Variants in ADAM28 observed in about 807,000 individuals in gnomAD.
ADAM28 encodes disintegrin and metalloproteinase domain-containing protein 28.
A neutral mutation model predicts 101.2 loss-of-function variants in ADAM28; 105 were observed. The ratio of observed to expected loss-of-function variants is 1.04; its 90% CI spans 0.89 to 1.22. The LOEUF (loss-of-function observed/expected upper bound fraction) is 1.22, where lower values mean the gene tolerates loss of function less well. ADAM28 is among the 50% of genes most tolerant of loss of function. The pLI is 0.00. For missense variants in ADAM28, 1,028 were observed against 945.4 expected (o/e 1.09, Z -1.15); for synonymous variants, 322 against 310.6 (o/e 1.04, Z -0.39).
rs1416922061 is a variant in ADAM28, at chr8:24,335,342, A to G, written c.1372-104A>G. On this transcript the variant is annotated intron_variant, in intron 13 of 22. Transcript: ENST00000265769. Reference sequence around the variant, plus strand: ...CTTCAGTGAAATGACACCTCCAACTACTATGCCCAAAAAGTCCAAATGGAA... The same window carrying G: ...CTTCAGTGAAATGACACCTCCAACTGCTATGCCCAAAAAGTCCAAATGGAA... 13 of 1,443,124 alleles carry G rather than the reference A, an allele frequency of 9.0e-6. No individual in the cohort carries two copies. In the East Asian group the frequency reaches 2.8e-4, roughly 31 times the overall value. The allele number at this position is 1,443,124 out of a possible 1,614,324, so 89.4% of individuals were successfully genotyped here.
In ADAM28 at chr8:24,321,252, G is replaced by T. The variant is rs143311157; in HGVS notation, c.683G>T (p.Arg228Ile). The T allele has an allele frequency of 2.5e-6, 4 of 1,607,674 alleles. No individual in the cohort carries two copies. The African/African-American group carries it at 5.4e-5, about 22-fold the overall frequency. Residue 228 changes from arginine (R) to isoleucine (I), a missense_variant, in exon 8 of 23, where the codon AGA becomes ATA. Physicochemically the swap from Arg to Ile is moderately conservative, Grantham distance 97. Coordinates refer to ENST00000265769, the MANE Select transcript of ADAM28 (RefSeq NM_014265.6). ...TACAATGAGAATCAAGATGAGATCAGAAAGAGGGTATTTGAGATGGCTAAT... is the reference window on the plus strand; with the variant it reads ...TACAATGAGAATCAAGATGAGATCATAAAGAGGGTATTTGAGATGGCTAAT... ...KRYNENQDEI[R>I]KRVFEMANYV...
chr8:24,311,365 A>G lies in ADAM28; in HGVS notation c.311A>G (p.Asp104Gly). Residue 104 changes from aspartate (D) to glycine (G), a missense_variant, in exon 5 of 23, where the codon GAT becomes GGT. Coordinates refer to ENST00000265769, the MANE Select transcript of ADAM28 (RefSeq NM_014265.6). ...EITTSPQIMDDCYYQGHILNE... is the reference protein window; with the variant it reads ...EITTSPQIMDGCYYQGHILNE... ...ACAAAACCCCTTTTCCTTTAGGATG[A>G]TTGTTATTATCAAGGACATATTCTT... 1.4e-5 allele frequency: 23 copies of G among 1,612,258 alleles called. No homozygotes were observed. Among genetic ancestry groups the G allele is most frequent in the Non-Finnish European group, 2.0e-5 (23 of 1,179,104 alleles).
chr8:24,354,574 A>G lies in ADAM28; in HGVS notation c.*170A>G, dbSNP rs114200772. ...GAAGAGACTAAAGAAAATTTTCAAG[A>G]GGAACATATGCCTGAGAACCTTTGC... On this transcript the variant is annotated 3_prime_UTR_variant, in exon 23 of 23. Coordinates refer to ENST00000265769, the MANE Select transcript of ADAM28 (RefSeq NM_014265.6). 309 of 627,196 alleles carry G rather than the reference A, an allele frequency of 4.9e-4. 1 individual carries two copies. In the African/African-American group the frequency reaches 5.4e-3, roughly 11 times the overall value. The allele number at this position is 627,196 out of a possible 1,614,324, so 38.9% of individuals were successfully genotyped here. A position where few individuals can be genotyped will look rare whatever the true frequency, so the allele number is the denominator to read the frequency against.
chr8:24,304,132 T>C (rs1365726594), intron 2 of ADAM28, among the ~76,000 whole-genome samples: 2 of 151,280 alleles, frequency 1.3e-5, no homozygotes, highest in Non-Finnish European at 2.9e-5. Context: ...ATCACAGCTG[T>C]GAAGTGATTT....
In ADAM28 at chr8:24,294,169, C is replaced by A. The variant is rs760542076; in HGVS notation, c.20C>A (p.Pro7Gln). The change falls in exon 1 of 23, where the codon CCA becomes CAA. Residue 7 changes from proline (P) to glutamine (Q), a missense_variant. Coordinates refer to ENST00000265769, the MANE Select transcript of ADAM28 (RefSeq NM_014265.6). The stretch of plus-strand genomic sequence containing the variant: ...CCCAGCATGTTGCAAGGTCTCCTGC[C>A]AGTCAGTCTCCTCCTCTCTGTTGCA... MLQGLL[P>Q]VSLLLSVAVS... is the part of the protein sequence containing the mutation. The A allele has an allele frequency of 1.2e-6, 2 of 1,614,164 alleles. No individual in the cohort carries two copies. Among genetic ancestry groups the A allele is most frequent in the Non-Finnish European group, 1.7e-6 (2 of 1,180,004 alleles).
At chr8:24,303,006 T>A (rs947266895) in intron 2 of ADAM28, among the ~76,000 whole-genome samples, 9 of 149,774 alleles carry the variant, frequency 6.0e-5, no homozygotes, top group African/African-American at 1.7e-4. Context: ...TTTGTTTTTC[T>A]TATAAATTTA....
intron 10 of ADAM28, among the ~76,000 whole-genome samples, chr8:24,327,534 T>G (rs538532632): frequency 1.3e-5 from 2 of 152,200 alleles, no homozygotes; most frequent in African/African-American, 4.8e-5. Flanking sequence ...TGGAAAAAAC[T>G]ATTTTAAATT....
Position 24,351,996 on chromosome 8 carries a change from A to T in ADAM28, c.2188A>T (p.Met730Leu), listed in dbSNP as rs1388473948. 3 of 1,613,650 alleles carry T rather than the reference A, an allele frequency of 1.9e-6. No homozygotes were observed. Among genetic ancestry groups the T allele is most frequent in the Non-Finnish European group, 2.5e-6 (3 of 1,179,686 alleles). ...KAVQPQEMSQ[M>L]KPHVYDLPVE... ...TCGTTCTTCTTTTCAGATGAGTCAG[A>T]TGAAGCCCCATGTGTATGATCTGCC... Residue 730 changes from methionine (M) to leucine (L), a missense_variant, in exon 21 of 23, where the codon ATG (methionine) becomes TTG (leucine). Transcript: ENST00000265769.
In ADAM28 at chr8:24,335,334, C is replaced by T. The variant is rs1416112409; in HGVS notation, c.1372-112C>T. 8 of 1,433,328 alleles carry T rather than the reference C, an allele frequency of 5.6e-6. No homozygotes were observed. The Admixed American group carries it at 1.8e-4, about 32-fold the overall frequency. 88.8% of individuals were successfully genotyped at this position (1,433,328 alleles called of 1,614,324 possible). A position where few individuals can be genotyped will look rare whatever the true frequency, so the allele number is the denominator to read the frequency against. ...AATGTAAGCTTCAGTGAAATGACAC[C>T]TCCAACTACTATGCCCAAAAAGTCC... On this transcript the variant is annotated intron_variant, in intron 13 of 22. Coordinates refer to ENST00000265769, the MANE Select transcript of ADAM28 (RefSeq NM_014265.6).
chr8:24,349,754 A>G (rs1237911766), intron 18 of ADAM28, 110 bp from the exon 19 acceptor site: 1 of 742,220 alleles, frequency 1.3e-6, no homozygotes, highest in Non-Finnish European at 2.2e-6. Context: ...ATTTATGTTC[A>G]TTGGAGAAAA....
At chr8:24,315,234 G>A (rs1399048306) in intron 6 of ADAM28, among the ~76,000 whole-genome samples, 1 of 151,744 alleles carries the variant, frequency 6.6e-6, no homozygotes, top group African/African-American at 2.4e-5. Context: ...AAAGATGGAA[G>A]AACATATTCC....
At chr8:24,306,357 T>TATATATATATATATATATATATTTA (rs1157755290) in intron 2 of ADAM28, among the ~76,000 whole-genome samples, 1 of 118,700 alleles carries the variant, frequency 8.4e-6, no homozygotes, top group African/African-American at 3.4e-5. Flanking sequence ...TACAAATAAA[T>TATATATATATATATATATATATTTA]AAATAAATAT....
intron 20 of ADAM28, chr8:24,351,542 C>T (rs995189956): frequency 2.6e-5 from 15 of 578,544 alleles, no homozygotes; most frequent in African/African-American, 5.6e-5. Context: ...ATGCACATAC[C>T]GGATGTCTGT....
intron 1 of ADAM28, among the ~76,000 whole-genome samples, chr8:24,296,826 T>C (rs1054744556): frequency 2.0e-5 from 3 of 152,194 alleles, no homozygotes; most frequent in Non-Finnish European, 2.9e-5. Flanking sequence ...TGGCAGTTAG[T>C]TGTGTTTGTT....
chr8:24,336,456 G>A (rs897871345), intron 14 of ADAM28, among the ~76,000 whole-genome samples: 3 of 151,024 alleles, frequency 2.0e-5, no homozygotes, highest in Non-Finnish European at 4.4e-5. Context: ...GCTAGTGGGC[G>A]CCTGTCCCAG....
chr8:24,321,081 T>C (rs951522213), intron 7 of ADAM28, 137 bp from the exon 8 acceptor site: 20 of 588,042 alleles, frequency 3.4e-5, no homozygotes, highest in Non-Finnish European at 5.7e-5. Context: ...TTAATTTGAT[T>C]CTAACTTTTA....
chr8:24,312,909 T>TA (rs1423372034), intron 5 of ADAM28, among the ~76,000 whole-genome samples: 15 of 152,178 alleles, frequency 9.9e-5, no homozygotes, highest in African/African-American at 3.4e-4. Flanking sequence ...ACTATCACTA[T>TA]ATTAGGTAGG....
At chr8:24,298,316 CAA>C (rs1193029516) in intron 1 of ADAM28, among the ~76,000 whole-genome samples, 1 of 152,124 alleles carries the variant, frequency 6.6e-6, no homozygotes, top group Non-Finnish European at 1.5e-5. Flanking sequence ...ATTTTTGACT[CAA>C]AGAGTTCTTA....
At chr8:24,336,825 A>G (rs1814152499) in intron 14 of ADAM28, among the ~76,000 whole-genome samples, 1 of 152,028 alleles carries the variant, frequency 6.6e-6, no homozygotes, top group South Asian at 2.1e-4. Context: ...GACTTTCTGG[A>G]TATGATGTGT....
Sources: gnomAD v4.1 joint callset for allele counts (sites outside exome capture counted in the v4.1 genomes callset) on GRCh38, gnomAD v4.1.1 for gene constraint, MANE v1.5 for transcripts, NCBI Gene and HGNC (gene_info 2026-07-23, HGNC 2026-07-21) for gene names.